The following NDUFAF2 variants were observed in gnomAD, a reference collection of about 807,000 sequenced individuals.
NDUFAF2 encodes NADH:ubiquinone oxidoreductase complex assembly factor 2.
A neutral mutation model predicts 22.8 loss-of-function variants in NDUFAF2; 13 were observed. That is an observed-to-expected ratio of 0.57 (90% CI 0.37 to 0.91). The LOEUF is 0.91. Ranked by LOEUF, NDUFAF2 falls within the 40% of genes least tolerant of loss-of-function variation. The pLI is 0.01. For synonymous variants in NDUFAF2, 53 were observed against 64.2 expected (o/e 0.83, Z 0.84); for missense variants, 162 against 195.2 (o/e 0.83, Z 1.01).
At chr5:61,098,336 T>G (rs1420261511) in intron 2 of NDUFAF2, among the ~76,000 whole-genome samples, 1 of 152,242 alleles carries the variant, frequency 6.6e-6, no homozygotes, top group African/African-American at 2.4e-5. Flanking sequence ...AGCACTATAC[T>G]ATACTGTCTT....
intron 1 of NDUFAF2, among the ~76,000 whole-genome samples, chr5:61,020,565 G>A (rs1022771877): frequency 6.6e-6 from 1 of 151,844 alleles, no homozygotes; most frequent in African/African-American, 2.4e-5. Context: ...GTGTGTGTGT[G>A]TGTGTGTGTA....
At chr5:61,113,674 CT>C (rs1752873544) in intron 3 of NDUFAF2, among the ~76,000 whole-genome samples, 1 of 152,298 alleles carries the variant, frequency 6.6e-6, no homozygotes, top group African/African-American at 2.4e-5. Flanking sequence ...TTTGCTTCCC[CT>C]TCCGGCATGA....
chr5:60,957,890 A>G (rs1750637721), intron 1 of NDUFAF2, among the ~76,000 whole-genome samples: 1 of 152,108 alleles, frequency 6.6e-6, no homozygotes, highest in Non-Finnish European at 1.5e-5. Context: ...TGTTTTTTGA[A>G]AAACCTGTAT....
intron 3 of NDUFAF2, among the ~76,000 whole-genome samples, chr5:61,103,744 T>G (rs1752729648): frequency 6.6e-6 from 1 of 152,162 alleles, no homozygotes; most frequent in Admixed American, 6.6e-5. Context: ...GATTGTTGTC[T>G]GTATTTTGTT....
intron 1 of NDUFAF2, among the ~76,000 whole-genome samples, chr5:61,022,534 C>G (rs1458736655): frequency 6.6e-6 from 1 of 152,194 alleles, no homozygotes; most frequent in Non-Finnish European, 1.5e-5. Context: ...GCGTATGAGA[C>G]ATCTACCTTT....
intron 1 of NDUFAF2, among the ~76,000 whole-genome samples, chr5:60,958,197 C>T (rs1030502904): frequency 6.6e-6 from 1 of 152,144 alleles, no homozygotes; most frequent in Admixed American, 6.6e-5. Context: ...CTGCTCTAAG[C>T]AAAACATCTG....
intron 2 of NDUFAF2, among the ~76,000 whole-genome samples, chr5:61,079,109 T>C (rs993732078): frequency 3.4e-4 from 51 of 152,174 alleles, no homozygotes; most frequent in Non-Finnish European, 1.2e-4. Flanking sequence ...AGAAGATTAA[T>C]GCCTCAGAAG....
At chr5:61,120,816 G>C (rs1752966260) in intron 3 of NDUFAF2, among the ~76,000 whole-genome samples, 1 of 152,066 alleles carries the variant, frequency 6.6e-6, no homozygotes, top group South Asian at 2.1e-4. Context: ...GGTTAAAGGA[G>C]TTAAAATGAG....
intron 1 of NDUFAF2, among the ~76,000 whole-genome samples, chr5:61,058,324 T>G (rs900559142): frequency 4.6e-5 from 7 of 152,112 alleles, no homozygotes; most frequent in African/African-American, 1.7e-4. Context: ...GTGTTCAAAT[T>G]AGATTTTCAA....
At chr5:61,054,604 C>CA (rs1231353946) in intron 1 of NDUFAF2, among the ~76,000 whole-genome samples, 1 of 152,184 alleles carries the variant, frequency 6.6e-6, no homozygotes. Context: ...ATCCAAGGAA[C>CA]AAAACCCCCT....
At chr5:61,148,751 A>T (rs1381433984) in intron 3 of NDUFAF2, among the ~76,000 whole-genome samples, 2 of 152,234 alleles carry the variant, frequency 1.3e-5, no homozygotes, top group East Asian at 1.9e-4. Flanking sequence ...ACATTCAGTG[A>T]ATAACAATGT....
At chr5:60,950,180 A>G (rs544239231) in intron 1 of NDUFAF2, among the ~76,000 whole-genome samples, 1 of 152,020 alleles carries the variant, frequency 6.6e-6, no homozygotes, top group South Asian at 2.1e-4. Context: ...AAAAACATTT[A>G]ATCTTTCATT....
chr5:61,098,815 A>G (rs1254726523), intron 2 of NDUFAF2, among the ~76,000 whole-genome samples, 177 bp from the exon 3 acceptor site: 4 of 152,102 alleles, frequency 2.6e-5, no homozygotes, highest in South Asian at 2.1e-4. Context: ...ATTTTCTGCA[A>G]CCCCTTCAGT....
intron 1 of NDUFAF2, among the ~76,000 whole-genome samples, chr5:61,019,956 A>C (rs1751557626): frequency 6.6e-6 from 1 of 152,134 alleles, no homozygotes; most frequent in Admixed American, 6.5e-5. Context: ...GGTGTTTTTT[A>C]CAGAAAGATT....
chr5:61,129,202 A>G (rs1753076544), intron 3 of NDUFAF2, among the ~76,000 whole-genome samples: 1 of 152,220 alleles, frequency 6.6e-6, no homozygotes, highest in Non-Finnish European at 1.5e-5. Context: ...GTGGGACTGT[A>G]AACTAGTTCA....
intron 1 of NDUFAF2, among the ~76,000 whole-genome samples, chr5:61,039,847 C>G (rs1464774513): frequency 6.6e-6 from 1 of 152,056 alleles, no homozygotes; most frequent in Non-Finnish European, 1.5e-5. Context: ...ACAGTCATCC[C>G]TACTTTATTT....
At chr5:61,148,356 G>A (rs759616022) in intron 3 of NDUFAF2, among the ~76,000 whole-genome samples, 1 of 152,178 alleles carries the variant, frequency 6.6e-6, no homozygotes, top group Admixed American at 6.5e-5. Context: ...TTTTCTAGTG[G>A]TGCCATGGCA....
At chr5:61,031,272 A>G (rs1488917744) in intron 1 of NDUFAF2, among the ~76,000 whole-genome samples, 4 of 152,066 alleles carry the variant, frequency 2.6e-5, no homozygotes, top group Admixed American at 2.0e-4. Flanking sequence ...CATCATCTAC[A>G]TTAGACATTT....
rs1440263073 is a variant in NDUFAF2, at chr5:61,131,811, AG to A, written c.259-20888del. On this transcript the variant is annotated intron_variant, in intron 3 of 3. Transcript: ENST00000296597. Reference sequence around the variant, plus strand: ...TTATATTATAAACACATGTATATGCAGGGGGAAGTCTATAATGATTAGACTT... The same window carrying A: ...TTATATTATAAACACATGTATATGCAGGGGAAGTCTATAATGATTAGACTT... Among the ~76,000 whole-genome samples, 8 of 152,310 alleles carry A rather than the reference AG, an allele frequency of 5.3e-5. No individual in the cohort carries two copies. The East Asian group carries it at 1.3e-3, about 26-fold the overall frequency.
Sources: allele counts gnomAD v4.1 joint callset (sites outside exome capture counted in the v4.1 genomes callset), GRCh38; gene constraint gnomAD v4.1.1; transcripts MANE v1.5; gene names NCBI Gene and HGNC (gene_info 2026-07-23, HGNC 2026-07-21).